The following ATP8A1 variants were observed in gnomAD, a reference collection of about 807,000 sequenced individuals.
The protein encoded by ATP8A1 is ATPase phospholipid transporting 8A1.
A neutral mutation model predicts 177.7 loss-of-function variants in ATP8A1; 90 were observed. The observed-to-expected ratio is 0.51, with a 90% confidence interval of 0.43 to 0.60. ATP8A1 has a LOEUF of 0.60. Among genes scored for constraint, ATP8A1 ranks in the 20% least tolerant of loss-of-function variants. The pLI, the probability that ATP8A1 is intolerant of heterozygous loss-of-function variation, is 0.00. For synonymous variants in ATP8A1, 493 were observed against 485.9 expected (o/e 1.01, Z -0.19); for missense variants, 1,072 against 1,392.8 (o/e 0.77, Z 3.67).
At chr4:42,519,925 G>T (rs1362113405) in intron 22 of ATP8A1, among the ~76,000 whole-genome samples, 1 of 152,136 alleles carries the variant, frequency 6.6e-6, no homozygotes, top group Non-Finnish European at 1.5e-5. Flanking sequence ...ATATATAGAT[G>T]CATGTGTATA....
intron 25 of ATP8A1, among the ~76,000 whole-genome samples, chr4:42,481,809 A>G (rs1165540966): frequency 2.6e-5 from 4 of 152,196 alleles, no homozygotes; most frequent in Non-Finnish European, 4.4e-5. Context: ...ACTTTCATTT[A>G]TTCTCCAAAA....
At chr4:42,526,084 A>G (rs1726641298) in intron 20 of ATP8A1, among the ~76,000 whole-genome samples, 1 of 152,190 alleles carries the variant, frequency 6.6e-6, no homozygotes, top group South Asian at 2.1e-4. Flanking sequence ...AACTAAGAAA[A>G]TATTTGAAAA....
At chr4:42,513,644 A>T (rs1725234022) in intron 22 of ATP8A1, among the ~76,000 whole-genome samples, 1 of 152,210 alleles carries the variant, frequency 6.6e-6, no homozygotes, top group Admixed American at 6.5e-5. Flanking sequence ...ATGATAGATG[A>T]AGTGACGTGT....
chr4:42,601,028 A>ATTTTCTTT (rs1735198207), intron 5 of ATP8A1, among the ~76,000 whole-genome samples: 1 of 78,628 alleles, frequency 1.3e-5, no homozygotes, highest in African/African-American at 4.1e-5. Flanking sequence ...AACAACCCAA[A>ATTTTCTTT]TTTTCTTTTT....
intron 24 of ATP8A1, among the ~76,000 whole-genome samples, chr4:42,495,450 T>C (rs1314161010): frequency 1.3e-5 from 2 of 152,196 alleles, no homozygotes; most frequent in Admixed American, 1.3e-4. Context: ...CAGGTGGTAG[T>C]AAAAGAACGT....
At chr4:42,632,342 T>C (rs928635460) in intron 1 of ATP8A1, among the ~76,000 whole-genome samples, 1 of 152,190 alleles carries the variant, frequency 6.6e-6, no homozygotes, top group African/African-American at 2.4e-5. Context: ...TCTGTAATAT[T>C]CTGCTTGATT....
At chr4:42,552,016 G>A (rs1198112885) in intron 17 of ATP8A1, among the ~76,000 whole-genome samples, 1 of 152,096 alleles carries the variant, frequency 6.6e-6, no homozygotes, top group Non-Finnish European at 1.5e-5. Flanking sequence ...AATATTTTAT[G>A]GAATCCCTTC....
chr4:42,496,856 A>G (rs2153191870), intron 24 of ATP8A1, among the ~76,000 whole-genome samples: 1 of 152,220 alleles, frequency 6.6e-6, no homozygotes, highest in South Asian at 2.1e-4. Context: ...ACAGTCAATA[A>G]CATCTTATGT....
chr4:42,552,414 C>T, intron 17 of ATP8A1, 91 bp downstream of exon 17: 3 of 1,061,496 alleles, frequency 2.8e-6, no homozygotes, highest in South Asian at 1.5e-5. Context: ...CTAAAAAACA[C>T]TCAATTTGGC....
At chr4:42,543,379 T>C (rs1367583970) in intron 20 of ATP8A1, among the ~76,000 whole-genome samples, 1 of 152,176 alleles carries the variant, frequency 6.6e-6, no homozygotes, top group Non-Finnish European at 1.5e-5. Flanking sequence ...CATTTTCCCA[T>C]GAGTATAAAT....
rs542008836 is a variant in ATP8A1 at position 42,610,369 on chromosome 4, A to G, written c.409+5664T>C. ...CATTTTTCCCAGAAAATATGTTAAT[A>G]TAACTTATTTGGGTTTGGCAAAAAC... is the stretch of plus-strand genomic sequence containing the variant. On this transcript the variant is annotated intron_variant, in intron 5 of 36. Transcript: ENST00000381668. Among the ~76,000 whole-genome samples, 6 of 152,284 alleles carry G rather than the reference A, an allele frequency of 3.9e-5. No homozygotes were observed. In the South Asian group the frequency reaches 1.0e-3, roughly 26 times the overall value.
chr4:42,636,493 C>T (rs1292703464), intron 1 of ATP8A1, among the ~76,000 whole-genome samples: 1 of 151,982 alleles, frequency 6.6e-6, no homozygotes, highest in Non-Finnish European at 1.5e-5. Flanking sequence ...GACTTACAAA[C>T]CACATTTTCA....
In ATP8A1 at chr4:42,436,930, T is replaced by C. The variant is rs73153085; in HGVS notation, c.3123+6635A>G. Among the ~76,000 whole-genome samples, 521 of 152,370 alleles carry C rather than the reference T, an allele frequency of 3.4e-3. 3 individuals carry two copies. The highest frequency in any genetic ancestry group is 0.012 in the African/African-American group (482 of 41,582). ...CAATTTAGGAAAATCATATCACTAA[T>C]GTAGTTTATTAATACCTTTCCTACA... On this transcript the variant is annotated intron_variant, in intron 33 of 36. Coordinates refer to ENST00000381668, the MANE Select transcript of ATP8A1 (RefSeq NM_006095.2).
In ATP8A1 at chr4:42,443,676, T is replaced by C. The variant is rs766243870; in HGVS notation, c.3016-4A>G. ...CCCATATCGCTATGTGGCTGAACTG[T>C]AGAGCAAGGAAATCTGAGTCAAAAA... On this transcript the variant is annotated splice_polypyrimidine_tract_variant and splice_region_variant and intron_variant, in intron 32 of 36. Transcript: ENST00000381668. 2.9e-6 allele frequency: 4 copies of C among 1,374,594 alleles called. No individual in the cohort carries two copies. The highest frequency in any genetic ancestry group is 1.4e-5 in the African/African-American group (1 of 70,280). The allele number at this position is 1,374,594 out of a possible 1,614,324, so 85.1% of individuals were successfully genotyped here. A position where few individuals can be genotyped will look rare whatever the true frequency, so the allele number is the denominator to read the frequency against.
chr4:42,545,399 A>G (rs1361962256), intron 19 of ATP8A1, among the ~76,000 whole-genome samples: 2 of 151,902 alleles, frequency 1.3e-5, no homozygotes, highest in African/African-American at 4.8e-5. Flanking sequence ...TCCTGGTGAA[A>G]CCTCCAAATA....
At chr4:42,509,027 G>A (rs1658081774) in intron 22 of ATP8A1, among the ~76,000 whole-genome samples, 1 of 152,226 alleles carries the variant, frequency 6.6e-6, no homozygotes, top group African/African-American at 2.4e-5. Flanking sequence ...ACCTGCATTA[G>A]TTTGGAATGC....
chr4:42,496,179 G>A (rs1227081609), intron 24 of ATP8A1, among the ~76,000 whole-genome samples: 1 of 152,214 alleles, frequency 6.6e-6, no homozygotes, highest in Admixed American at 6.5e-5. Flanking sequence ...GCAGCAAAGT[G>A]CTGAATCTGT....
intron 25 of ATP8A1, among the ~76,000 whole-genome samples, chr4:42,478,213 G>T (rs908565775): frequency 1.3e-5 from 2 of 151,928 alleles, no homozygotes; most frequent in Non-Finnish European, 2.9e-5. Context: ...AAACTTAGCT[G>T]GGTGTGGTGG....
At chr4:42,515,995 G>C (rs889473714) in intron 22 of ATP8A1, among the ~76,000 whole-genome samples, 1 of 152,166 alleles carries the variant, frequency 6.6e-6, no homozygotes, top group South Asian at 2.1e-4. Context: ...TGCCTTCAAT[G>C]CATGGAAAGC....
Sources: allele counts gnomAD v4.1 joint callset (sites outside exome capture counted in the v4.1 genomes callset), GRCh38; gene constraint gnomAD v4.1.1; transcripts MANE v1.5; gene names NCBI Gene and HGNC (gene_info 2026-07-23, HGNC 2026-07-21).